Variants in OPCML observed in about 807,000 individuals in gnomAD.
OPCML encodes the protein opioid binding protein/cell adhesion molecule like, also known as opioid-binding protein/cell adhesion molecule.
Under a neutral mutation model 37.8 loss-of-function variants are expected in OPCML, and 13 were observed. That is an observed-to-expected ratio of 0.34 (90% CI 0.22 to 0.55). OPCML has a LOEUF of 0.55. Among genes scored for constraint, OPCML ranks in the 20% least tolerant of loss-of-function variants. The pLI is 0.91. For missense variants in OPCML, 341 were observed against 435.6 expected, an observed-to-expected ratio of 0.78 and a Z score of 1.93; for synonymous variants, 176 against 168.8, an observed-to-expected ratio of 1.04 and a Z score of -0.33.
intron 4 of OPCML, among the ~76,000 whole-genome samples, chr11:132,514,888 A>G (rs906194167): frequency 6.6e-6 from 1 of 152,166 alleles, no homozygotes; most frequent in Non-Finnish European, 1.5e-5. Flanking sequence ...GATCTTCACC[A>G]GCAGCACTGG....
At chr11:132,822,634 T>C (rs1369718398) in intron 2 of OPCML, among the ~76,000 whole-genome samples, 1 of 152,222 alleles carries the variant, frequency 6.6e-6, no homozygotes, top group East Asian at 1.9e-4. Context: ...ACTGGAACAC[T>C]GATGGTGGAG....
At chr11:133,390,009 C>T (rs1945133854) in intron 1 of OPCML, among the ~76,000 whole-genome samples, 1 of 152,186 alleles carries the variant, frequency 6.6e-6, no homozygotes, top group Non-Finnish European at 1.5e-5. Context: ...GAAGACTCCT[C>T]CTTTAAGACA....
At chr11:133,027,494 G>GT (rs1195002701) in intron 1 of OPCML, among the ~76,000 whole-genome samples, 25 of 149,142 alleles carry the variant, frequency 1.7e-4, no homozygotes, top group African/African-American at 5.8e-4. Context: ...TGTGTGTTGT[G>GT]TGTGTGTGTG....
At chr11:133,101,186 G>A (rs1255543735) in intron 1 of OPCML, among the ~76,000 whole-genome samples, 2 of 152,164 alleles carry the variant, frequency 1.3e-5, no homozygotes, top group Admixed American at 6.5e-5. Flanking sequence ...GCCTCCCAAA[G>A]TGCTAGGGTG....
intron 1 of OPCML, among the ~76,000 whole-genome samples, chr11:133,516,448 G>A (rs1948274431): frequency 6.6e-6 from 1 of 152,170 alleles, no homozygotes; most frequent in African/African-American, 2.4e-5. Context: ...GCCGGGGCTG[G>A]GGCTGGACTC....
chr11:132,781,374 C>A (rs1468122485), intron 2 of OPCML, among the ~76,000 whole-genome samples: 2 of 151,914 alleles, frequency 1.3e-5, no homozygotes, highest in South Asian at 2.1e-4. Context: ...GGACACTGGG[C>A]TTTTCTTGCT....
intron 1 of OPCML, among the ~76,000 whole-genome samples, chr11:133,182,168 A>G (rs1937863550): frequency 6.6e-6 from 1 of 152,172 alleles, no homozygotes; most frequent in Non-Finnish European, 1.5e-5. Context: ...TCAGTGCCTC[A>G]CCAAAGAAAA....
chr11:132,630,858 A>T (rs539221626), intron 3 of OPCML, among the ~76,000 whole-genome samples: 22 of 152,194 alleles, frequency 1.4e-4, no homozygotes, highest in Non-Finnish European at 2.8e-4. Context: ...AAACCTGGAA[A>T]CAACTCAAAT....
At chr11:132,927,649 G>T (rs1325739449) in intron 2 of OPCML, among the ~76,000 whole-genome samples, 3 of 151,868 alleles carry the variant, frequency 2.0e-5, no homozygotes, top group Admixed American at 6.6e-5. Flanking sequence ...AAAGTTCTCT[G>T]GTAAATATAA....
At chr11:133,420,567 T>A in intron 1 of OPCML, 1 of 984,360 alleles carries the variant, frequency 1.0e-6, no homozygotes, top group South Asian at 4.7e-5. Flanking sequence ...ACATGCTATT[T>A]ACTCCCTCAT....
intron 1 of OPCML, among the ~76,000 whole-genome samples, chr11:133,331,979 C>T (rs756526552): frequency 4.6e-5 from 7 of 151,918 alleles, no homozygotes; most frequent in Non-Finnish European, 8.8e-5. Flanking sequence ...GAGTGTCATT[C>T]GTAGTTTGAT....
intron 1 of OPCML, among the ~76,000 whole-genome samples, chr11:133,387,600 T>A (rs1214982106): frequency 6.6e-6 from 1 of 152,250 alleles, no homozygotes; most frequent in Non-Finnish European, 1.5e-5. Context: ...ATCTGCTTAA[T>A]TTATTAATTC....
chr11:133,422,236 G>C, intron 1 of OPCML: 2 of 984,758 alleles, frequency 2.0e-6, no homozygotes, highest in South Asian at 4.7e-5. Flanking sequence ...GAGAGCCCCT[G>C]TACCAGGGAT....
intron 1 of OPCML, among the ~76,000 whole-genome samples, chr11:133,386,833 C>G (rs988191961): frequency 1.3e-5 from 2 of 152,166 alleles, no homozygotes; most frequent in African/African-American, 2.4e-5. Flanking sequence ...GGCAGTCCAG[C>G]CCCACACGGC....
intron 1 of OPCML, among the ~76,000 whole-genome samples, chr11:132,996,826 A>T (rs962981693): frequency 1.3e-5 from 2 of 152,118 alleles, no homozygotes; most frequent in Non-Finnish European, 2.9e-5. Flanking sequence ...GAAGACAAGG[A>T]TGTCTATTAT....
intron 2 of OPCML, among the ~76,000 whole-genome samples, chr11:132,734,459 G>A (rs1945186560): frequency 6.6e-6 from 1 of 152,184 alleles, no homozygotes; most frequent in South Asian, 2.1e-4. Context: ...ACAATGTGGG[G>A]AACTGAGGCA....
chr11:133,007,873 G>A (rs545057878), intron 1 of OPCML: 1 of 985,432 alleles, frequency 1.0e-6, no homozygotes, highest in East Asian at 1.1e-4. Context: ...AGATTGTGGG[G>A]AAAATGGTTT....
chr11:132,472,505 A>C (rs914605608), intron 4 of OPCML, among the ~76,000 whole-genome samples: 2 of 152,240 alleles, frequency 1.3e-5, no homozygotes, highest in Non-Finnish European at 2.9e-5. Flanking sequence ...TAGAGGGAGA[A>C]AATGAGCATC....
rs116187373 is a variant in OPCML at position 133,373,888 on chromosome 11, T to C, written c.61+158376A>G. On this transcript the variant is annotated intron_variant, in intron 1 of 7. Transcript: ENST00000524381. ...TTTCCATCATATGCATGTATCATAA[T>C]ATGTTTAACCACTTATTTAAATTAT... is the stretch of plus-strand genomic sequence containing the variant. 4.4e-3 allele frequency among the ~76,000 whole-genome samples: 676 copies of C among 152,352 alleles called. 3 individuals carry two copies. Among genetic ancestry groups the C allele is most frequent in the African/African-American group, 0.015 (610 of 41,574 alleles).
Sources: allele counts gnomAD v4.1 joint callset (sites outside exome capture counted in the v4.1 genomes callset), GRCh38; gene constraint gnomAD v4.1.1; transcripts MANE v1.5; gene names NCBI Gene and HGNC (gene_info 2026-07-23, HGNC 2026-07-21).